The following CEP112 variants were observed in gnomAD, a reference collection of about 807,000 sequenced individuals.
CEP112 encodes centrosomal protein of 112 kDa.
Under a neutral mutation model 153.0 loss-of-function variants are expected in CEP112, and 127 were observed. That is an observed-to-expected ratio of 0.83 (90% CI 0.72 to 0.96). The LOEUF (loss-of-function observed/expected upper bound fraction) is 0.96, where lower values mean the gene tolerates loss of function less well. Among genes scored for constraint, CEP112 ranks in the 40% least tolerant of loss-of-function variants. CEP112 has a pLI of 0.00. For missense variants in CEP112, 1,089 were observed against 1,101.2 expected, an observed-to-expected ratio of 0.99 and a Z score of 0.16; for synonymous variants, 358 against 374.4, an observed-to-expected ratio of 0.96 and a Z score of 0.51.
intron 21 of CEP112, among the ~76,000 whole-genome samples, chr17:65,838,927 C>T (rs1197110600): frequency 6.6e-6 from 1 of 152,032 alleles, no homozygotes; most frequent in Non-Finnish European, 1.5e-5. Flanking sequence ...AACTTCTGGG[C>T]ACATGCAACA....
At chr17:65,699,808 A>G (rs765880708) in intron 23 of CEP112, among the ~76,000 whole-genome samples, 6 of 152,020 alleles carry the variant, frequency 3.9e-5, no homozygotes, top group Non-Finnish European at 8.8e-5. Flanking sequence ...TGTTGGCCAC[A>G]TTTCTCAAGT....
rs1217489201 is a variant in CEP112 at position 66,066,852 on chromosome 17, A to G, written c.881T>C (p.Ile294Thr). The G allele has an allele frequency of 1.0e-5, 16 of 1,541,570 alleles. No homozygotes were observed. The highest frequency in any genetic ancestry group is 1.4e-5 in the African/African-American group (1 of 71,280). ...CCTGTATAAAGTTTTCAGTTCTTCT[A>G]TTTCATTATTCTTTCTTTCTAAAAT... Reference protein sequence around the residue: ...QKILERKNNEIEELKTLYRSK... With the variant: ...QKILERKNNETEELKTLYRSK... Residue 294 changes from isoleucine (I) to threonine (T), a missense_variant, in exon 10 of 27, where the codon ATA becomes ACA. Physicochemically the swap from Ile to Thr is moderately conservative, Grantham distance 89 (BLOSUM62 -1). Transcript: ENST00000535342.
At chr17:65,818,033 G>A (rs374371095) in intron 21 of CEP112, among the ~76,000 whole-genome samples, 17 of 151,504 alleles carry the variant, frequency 1.1e-4, no homozygotes, top group African/African-American at 3.9e-4. Context: ...TTTCTTCTTC[G>A]TATTGTCAAC....
intron 17 of CEP112, among the ~76,000 whole-genome samples, chr17:65,982,894 G>A (rs1360058059): frequency 1.3e-5 from 2 of 152,224 alleles, no homozygotes; most frequent in Non-Finnish European, 2.9e-5. Context: ...AAGGAATGAA[G>A]TGACAATATT....
intron 24 of CEP112, among the ~76,000 whole-genome samples, chr17:65,669,749 A>G (rs1224010440): frequency 6.6e-6 from 1 of 152,094 alleles, no homozygotes; most frequent in South Asian, 2.1e-4. Context: ...TAAAAATACA[A>G]AAAATTATCC....
chr17:65,892,448 T>C lies in CEP112; in HGVS notation c.2163+9704A>G, dbSNP rs536022735. On this transcript the variant is annotated intron_variant, in intron 20 of 26. Coordinates refer to ENST00000535342, the MANE Select transcript of CEP112 (RefSeq NM_001199165.4). ...ACAATAATTATGATTTTTCTTGAGA[T>C]TTACTCTACTACTCTTGTTCCTGAA... 5.3e-4 allele frequency among the ~76,000 whole-genome samples: 80 copies of C among 152,158 alleles called. 2 individuals carry two copies. Among genetic ancestry groups the C allele is most frequent in the Non-Finnish European group, 1.5e-4 (10 of 68,014 alleles).
intron 1 of CEP112, among the ~76,000 whole-genome samples, chr17:66,186,362 C>T (rs930548596): frequency 1.3e-5 from 2 of 151,992 alleles, no homozygotes; most frequent in African/African-American, 4.8e-5. Context: ...AGTGTAGTGG[C>T]ACGATCTCGG....
chr17:66,047,508 A>G (rs2066262142), intron 12 of CEP112, among the ~76,000 whole-genome samples: 2 of 152,382 alleles, frequency 1.3e-5, no homozygotes, highest in South Asian at 4.1e-4. Context: ...TTTATTATGT[A>G]GATATTAATT....
At chr17:65,949,783 T>C (rs8068252) in intron 18 of CEP112, among the ~76,000 whole-genome samples, 72,769 of 151,922 alleles carry the variant, frequency 0.48, 18,422 homozygotes, top group East Asian at 0.89. Flanking sequence ...GATCTTTCAT[T>C]CCTGGCTATC....
intron 17 of CEP112, among the ~76,000 whole-genome samples, chr17:65,968,254 A>G (rs1193428161): frequency 1.3e-5 from 2 of 152,186 alleles, no homozygotes; most frequent in Non-Finnish European, 2.9e-5. Context: ...AAAGGAATAA[A>G]GAAAAAAGGC....
At chr17:65,846,645 T>G (rs1390016568) in intron 21 of CEP112, among the ~76,000 whole-genome samples, 1 of 152,224 alleles carries the variant, frequency 6.6e-6, no homozygotes, top group African/African-American at 2.4e-5. Context: ...CTCGGCTCAC[T>G]ACAAGCTCCG....
intron 8 of CEP112, among the ~76,000 whole-genome samples, chr17:66,091,660 C>A (rs1027428806): frequency 6.6e-6 from 1 of 151,248 alleles, no homozygotes; most frequent in East Asian, 1.9e-4. Context: ...CCAAAGTTCA[C>A]GGAAGGAAGG....
intron 21 of CEP112, among the ~76,000 whole-genome samples, chr17:65,767,816 T>C (rs2053083338): frequency 6.6e-6 from 1 of 151,728 alleles, no homozygotes; most frequent in African/African-American, 2.4e-5. Context: ...CTGAAGAAGG[T>C]TGAATAAGAA....
chr17:66,006,479 G>A (rs557627374), intron 16 of CEP112, among the ~76,000 whole-genome samples: 1 of 152,086 alleles, frequency 6.6e-6, no homozygotes, highest in South Asian at 2.1e-4. Flanking sequence ...GGTAGCGCAC[G>A]CCTGTAAGCC....
At chr17:66,052,368 G>A (rs1484028721) in intron 12 of CEP112, among the ~76,000 whole-genome samples, 1 of 152,198 alleles carries the variant, frequency 6.6e-6, no homozygotes, top group Non-Finnish European at 1.5e-5. Context: ...CACTGAACAC[G>A]GACATGAGGA....
rs562350984 is a variant in CEP112, at chr17:65,790,043, C to T, written c.2395-39319G>A. On this transcript the variant is annotated intron_variant, in intron 21 of 26. Transcript: ENST00000535342. ...GAGGAAAACAAAATGGGTAGCCTTG[C>T]CTCTTCCCTGCCTGTAGAAGAAGCT... Among the ~76,000 whole-genome samples, 15 of 152,270 alleles carry T rather than the reference C, an allele frequency of 9.9e-5. No individual in the cohort carries two copies. The South Asian group carries it at 2.5e-3, about 25-fold the overall frequency.
At chr17:65,728,833 A>C (rs1466015952) in intron 23 of CEP112, among the ~76,000 whole-genome samples, 1 of 152,160 alleles carries the variant, frequency 6.6e-6, no homozygotes, top group Non-Finnish European at 1.5e-5. Context: ...GTGGTGAGTG[A>C]ATGTGAAGGC....
chr17:66,002,337 C>G (rs1168295314), intron 17 of CEP112, among the ~76,000 whole-genome samples: 1 of 152,202 alleles, frequency 6.6e-6, no homozygotes, highest in Non-Finnish European at 1.5e-5. Flanking sequence ...TATATATCAT[C>G]CCAATTCACA....
chr17:65,925,798 CT>C (rs2060900906), intron 19 of CEP112, among the ~76,000 whole-genome samples: 1 of 152,130 alleles, frequency 6.6e-6, no homozygotes, highest in South Asian at 2.1e-4. Flanking sequence ...AAAATATTTC[CT>C]TTTCCATTTC....
Sources: gnomAD v4.1 joint callset for allele counts (sites outside exome capture counted in the v4.1 genomes callset) on GRCh38, gnomAD v4.1.1 for gene constraint, MANE v1.5 for transcripts, NCBI Gene and HGNC (gene_info 2026-07-23, HGNC 2026-07-21) for gene names.